ADGRL3: variants seen among roughly 807,000 people sequenced by gnomAD.
The protein encoded by ADGRL3 is calcium-independent alpha-latrotoxin receptor 3.
ADGRL3 carries 62 observed loss-of-function variants against 153.5 expected under a neutral mutation model. The ratio of observed to expected loss-of-function variants is 0.40; its 90% CI spans 0.33 to 0.50. The LOEUF (loss-of-function observed/expected upper bound fraction) is 0.50, where lower values mean the gene tolerates loss of function less well. Among genes scored for constraint, ADGRL3 ranks in the 20% least tolerant of loss-of-function variants. The probability of loss-of-function intolerance (pLI) is 0.47; values close to 1 mark genes in which losing one functional copy is unlikely to be tolerated. For synonymous variants in ADGRL3, 710 were observed against 672.5 expected, an observed-to-expected ratio of 1.06 and a Z score of -0.86; for missense variants, 1,641 against 1,859.4, an observed-to-expected ratio of 0.88 and a Z score of 2.16.
chr4:61,671,313 A>G (rs1435121104), intron 5 of ADGRL3, among the ~76,000 whole-genome samples: 1 of 152,236 alleles, frequency 6.6e-6, no homozygotes, highest in Non-Finnish European at 1.5e-5. Context: ...ACAAATTAAC[A>G]GTAAATGATT....
intron 1 of ADGRL3, among the ~76,000 whole-genome samples, chr4:61,364,499 A>T (rs2045363): frequency 0.63 from 96,059 of 151,512 alleles, 30,556 homozygotes; most frequent in Middle Eastern, 0.78. Context: ...ATTTTTTTTT[A>T]AAACAAAACA....
chr4:61,326,701 T>A (rs2095473700), intron 1 of ADGRL3, among the ~76,000 whole-genome samples: 1 of 151,768 alleles, frequency 6.6e-6, no homozygotes, highest in African/African-American at 2.4e-5. Flanking sequence ...TAAATTTTTG[T>A]TGGAAAATTT....
intron 2 of ADGRL3, among the ~76,000 whole-genome samples, chr4:61,438,121 A>G (rs1384048617): frequency 6.6e-6 from 1 of 152,088 alleles, no homozygotes; most frequent in Non-Finnish European, 1.5e-5. Context: ...TCATTGTATT[A>G]CTCATTTCTG....
At chr4:61,657,164 C>G (rs2094464015) in intron 5 of ADGRL3, among the ~76,000 whole-genome samples, 1 of 152,044 alleles carries the variant, frequency 6.6e-6, no homozygotes, top group South Asian at 2.1e-4. Flanking sequence ...TCCATTTTCC[C>G]CATCATTTTT....
chr4:61,367,493 T>A (rs1354920782), intron 1 of ADGRL3, among the ~76,000 whole-genome samples: 10 of 151,202 alleles, frequency 6.6e-5, no homozygotes, highest in Admixed American at 3.3e-4. Context: ...CGGTGTTTGG[T>A]TTTTTGTTCT....
At chr4:61,346,614 A>C (rs76577464) in intron 1 of ADGRL3, among the ~76,000 whole-genome samples, 1 of 32,848 alleles carries the variant, frequency 3.0e-5, no homozygotes, top group Non-Finnish European at 9.1e-5. Context: ...AGAAAAATAG[A>C]AAAAAAAAAA....
At position 61,249,145 on chromosome 4, in the gene ADGRL3, G is replaced by C. The variant is rs574763107; in HGVS notation, c.-240+47380G>C. Among the ~76,000 whole-genome samples, 20 of 152,188 alleles carry C rather than the reference G, an allele frequency of 1.3e-4. No homozygotes were observed. In the East Asian group the frequency reaches 3.3e-3, roughly 25 times the overall value. The stretch of plus-strand genomic sequence containing the variant: ...CTGGAAATGAAGTACGGGTTTTTTT[G>C]CAGGATGAAATAGAAATTACAGTGA... On this transcript the variant is annotated intron_variant, in intron 1 of 26. Coordinates refer to ENST00000683033, the MANE Select transcript of ADGRL3 (RefSeq NM_001387552.1).
At chr4:61,716,426 A>G (rs775364084) in intron 6 of ADGRL3, among the ~76,000 whole-genome samples, 7 of 152,182 alleles carry the variant, frequency 4.6e-5, no homozygotes, top group Non-Finnish European at 1.0e-4. Context: ...TGAAGTTTGC[A>G]AGATAAATAC....
intron 8 of ADGRL3, among the ~76,000 whole-genome samples, chr4:61,803,259 A>G (rs1580900001): frequency 6.6e-6 from 1 of 152,156 alleles, no homozygotes; most frequent in East Asian, 1.9e-4. Context: ...AGTCAAAAGT[A>G]TTGTTTGAAG....
chr4:61,968,655 G>C (rs2099015476), intron 17 of ADGRL3, among the ~76,000 whole-genome samples: 1 of 152,052 alleles, frequency 6.6e-6, no homozygotes, highest in South Asian at 2.1e-4. Flanking sequence ...ACATTCTGGG[G>C]AAACTGAAAA....
chr4:62,015,164 C>G (rs1052985796), intron 21 of ADGRL3, among the ~76,000 whole-genome samples: 4 of 152,138 alleles, frequency 2.6e-5, no homozygotes, highest in African/African-American at 9.7e-5. Context: ...ATCTAATTTT[C>G]TCTTGGCTGA....
chr4:61,397,236 C>G (rs915172469), intron 2 of ADGRL3, among the ~76,000 whole-genome samples: 1 of 151,586 alleles, frequency 6.6e-6, no homozygotes, highest in Non-Finnish European at 1.5e-5. Flanking sequence ...TTGTTAAAAC[C>G]TTTTCACTTT....
chr4:61,689,306 T>G (rs2151098388), intron 6 of ADGRL3, among the ~76,000 whole-genome samples: 1 of 152,286 alleles, frequency 6.6e-6, no homozygotes, highest in South Asian at 2.1e-4. Context: ...CCAGGTGGTC[T>G]TTGGGCCATG....
At chr4:61,511,513 AT>A (rs531130283) in intron 3 of ADGRL3, among the ~76,000 whole-genome samples, 2 of 152,130 alleles carry the variant, frequency 1.3e-5, no homozygotes, top group Non-Finnish European at 2.9e-5. Flanking sequence ...GCAAAGAGAG[AT>A]TATTTGATTA....
intron 9 of ADGRL3, among the ~76,000 whole-genome samples, chr4:61,878,047 A>G (rs559819098): frequency 5.1e-4 from 78 of 152,260 alleles, no homozygotes; most frequent in African/African-American, 1.7e-3. Flanking sequence ...TTCCCTAGCC[A>G]TGTGGAACTG....
chr4:61,253,652 T>C (rs2091675335), intron 1 of ADGRL3, among the ~76,000 whole-genome samples: 1 of 151,744 alleles, frequency 6.6e-6, no homozygotes, highest in Admixed American at 6.6e-5. Flanking sequence ...CATGGACCTA[T>C]TTTGTAATAT....
intron 8 of ADGRL3, chr4:61,775,658 A>G: frequency 2.6e-6 from 4 of 1,510,206 alleles, no homozygotes; most frequent in Non-Finnish European, 3.6e-6. Context: ...GCCTCCACCA[A>G]CTTGACATAC....
At chr4:61,862,997 T>C (rs953430026) in intron 9 of ADGRL3, among the ~76,000 whole-genome samples, 1 of 152,054 alleles carries the variant, frequency 6.6e-6, no homozygotes, top group Non-Finnish European at 1.5e-5. Flanking sequence ...GGGGAAACAG[T>C]GGTATAGGTG....
intron 11 of ADGRL3, among the ~76,000 whole-genome samples, chr4:61,904,717 G>T (rs1207402939): frequency 6.6e-6 from 1 of 151,532 alleles, no homozygotes; most frequent in East Asian, 1.9e-4. Flanking sequence ...GAAAATACCA[G>T]TACCACTATT....
Sources: gnomAD v4.1 joint callset for allele counts (sites outside exome capture counted in the v4.1 genomes callset) on GRCh38, gnomAD v4.1.1 for gene constraint, MANE v1.5 for transcripts, NCBI Gene and HGNC (gene_info 2026-07-23, HGNC 2026-07-21) for gene names.